TP63: variants seen among roughly 807,000 people sequenced by gnomAD.
TP63 encodes tumor protein p63.
In TP63, 17 loss-of-function variants were observed where a neutral mutation model predicts 82.8. That is an observed-to-expected ratio of 0.21 (90% confidence interval 0.14 to 0.31). The LOEUF (loss-of-function observed/expected upper bound fraction) is 0.31. Ranked by LOEUF, TP63 falls within the 10% of genes least tolerant of loss-of-function variation. TP63 has a pLI of 1.00. For missense variants in TP63, 648 were observed against 895.3 expected, an observed-to-expected ratio of 0.72 and a Z score of 3.52; for synonymous variants, 330 against 321.7, an observed-to-expected ratio of 1.03 and a Z score of -0.28.
chr3:189,863,032 A>T (rs933720712), intron 4 of TP63, among the ~76,000 whole-genome samples: 5 of 152,206 alleles, frequency 3.3e-5, no homozygotes, highest in Admixed American at 6.5e-5. Context: ...AACATTTTAA[A>T]TGTGTGATTT....
intron 1 of TP63, among the ~76,000 whole-genome samples, chr3:189,717,095 G>A (rs866827567): frequency 2.0e-4 from 30 of 152,226 alleles, no homozygotes; most frequent in African/African-American, 7.0e-4. Context: ...ACTGCACCCA[G>A]CCTCTTAGTA....
At chr3:189,867,630 T>C (rs997969235) in intron 6 of TP63, among the ~76,000 whole-genome samples, 7 of 152,216 alleles carry the variant, frequency 4.6e-5, no homozygotes, top group African/African-American at 1.4e-4. Context: ...CCTAAGGTAG[T>C]GTTCAGTGTT....
At chr3:189,657,794 A>G (rs2108647628) in intron 1 of TP63, among the ~76,000 whole-genome samples, 1 of 152,220 alleles carries the variant, frequency 6.6e-6, no homozygotes, top group South Asian at 2.1e-4. Flanking sequence ...ATCAATATGC[A>G]TATGTTCAAG....
intron 3 of TP63, among the ~76,000 whole-genome samples, chr3:189,799,942 G>A (rs1304729844): frequency 6.6e-6 from 1 of 152,044 alleles, no homozygotes; most frequent in East Asian, 1.9e-4. Context: ...ATTATCCCAG[G>A]TATTGGGGAT....
At chr3:189,709,456 C>G (rs1384223537) in intron 1 of TP63, among the ~76,000 whole-genome samples, 1 of 152,030 alleles carries the variant, frequency 6.6e-6, no homozygotes, top group African/African-American at 2.4e-5. Flanking sequence ...AGCCCACAGT[C>G]TGAAACCGAA....
chr3:189,804,486 A>T (rs1251188970), intron 3 of TP63, among the ~76,000 whole-genome samples: 1 of 152,212 alleles, frequency 6.6e-6, no homozygotes, highest in Non-Finnish European at 1.5e-5. Flanking sequence ...ACTGAGCACT[A>T]CAAATTGTAC....
the TP63 span, among the ~76,000 whole-genome samples, chr3:189,622,408 C>G: frequency 7.2e-5 from 11 of 152,334 alleles, 1 homozygote; most frequent in Admixed American, 3.9e-4. Flanking sequence ...GATCCTGGCT[C>G]TACCACTATC....
chr3:189,868,933 C>T lies in TP63; in HGVS notation c.1129+217C>T, dbSNP rs554582019. On this transcript the variant is annotated intron_variant, in intron 8 of 13. Transcript: ENST00000264731. The stretch of plus-strand genomic sequence containing the variant: ...ACAAGTAGTCATTGTGACAATTTCT[C>T]AGTCCAGGGATTCTCAAAATGTGAC... 3.3e-5 allele frequency among the ~76,000 whole-genome samples: 5 copies of T among 152,294 alleles called. No homozygotes were observed. The South Asian group carries it at 1.0e-3, about 32-fold the overall frequency.
intron 1 of TP63, among the ~76,000 whole-genome samples, chr3:189,714,296 C>A (rs1013594010): frequency 4.6e-5 from 7 of 152,174 alleles, no homozygotes; most frequent in African/African-American, 1.2e-4. Flanking sequence ...GATCATGTTC[C>A]CGGTGTTCTG....
chr3:189,619,406 CT>C, the TP63 span, among the ~76,000 whole-genome samples: 1 of 152,164 alleles, frequency 6.6e-6, no homozygotes, highest in African/African-American at 2.4e-5. Context: ...CTTAATGCCC[CT>C]ATCTATATTT....
intron 1 of TP63, among the ~76,000 whole-genome samples, chr3:189,647,674 T>C (rs1394855188): frequency 6.8e-6 from 1 of 146,756 alleles, no homozygotes; most frequent in Non-Finnish European, 1.5e-5. Context: ...TGTCTGGTCA[T>C]TGTGTATGCA....
At chr3:189,734,275 G>T (rs540637831) in intron 1 of TP63, among the ~76,000 whole-genome samples, 5 of 149,090 alleles carry the variant, frequency 3.4e-5, no homozygotes, top group African/African-American at 4.9e-5. Flanking sequence ...GGGTTCAAGC[G>T]ATTCTCCTGC....
chr3:189,783,944 T>G (rs1356759636), intron 3 of TP63, among the ~76,000 whole-genome samples: 2 of 151,798 alleles, frequency 1.3e-5, no homozygotes, highest in Non-Finnish European at 2.9e-5. Flanking sequence ...TAGGAGTACT[T>G]AACAGGGGAA....
At chr3:189,687,962 C>A (rs1402132513) in intron 1 of TP63, among the ~76,000 whole-genome samples, 1 of 151,206 alleles carries the variant, frequency 6.6e-6, no homozygotes, top group Non-Finnish European at 1.5e-5. Context: ...ATTTCCCTTT[C>A]ATTTCAAAGA....
intron 1 of TP63, among the ~76,000 whole-genome samples, chr3:189,662,189 A>G (rs931810078): frequency 3.3e-5 from 5 of 151,924 alleles, no homozygotes; most frequent in African/African-American, 1.2e-4. Context: ...TAACTTTTCG[A>G]GGTAAGTGTT....
chr3:189,665,087 A>G (rs926953976), intron 1 of TP63, among the ~76,000 whole-genome samples: 1 of 152,162 alleles, frequency 6.6e-6, no homozygotes, highest in African/African-American at 2.4e-5. Flanking sequence ...ACATCTTACT[A>G]TTACCTGTGT....
chr3:189,622,867 T>A, the TP63 span, among the ~76,000 whole-genome samples: 7,771 of 152,282 alleles, frequency 0.051, 210 homozygotes, highest in Middle Eastern at 0.068. Context: ...ACAGTTGAGA[T>A]GTTGCAATGA....
At position 189,767,453 on chromosome 3, in the gene TP63, T is replaced by C. The variant is rs534789829; in HGVS notation, c.324+28679T>C. Reference sequence around the variant, plus strand: ...TGCAGCGGAATCAGGATGCTTTTCATAGTGTTATAAAAATTCAATTTCGCT... The same window carrying C: ...TGCAGCGGAATCAGGATGCTTTTCACAGTGTTATAAAAATTCAATTTCGCT... On this transcript the variant is annotated intron_variant, in intron 3 of 13. Transcript: ENST00000264731. Among the ~76,000 whole-genome samples the C allele has an allele frequency of 1.2e-4, 18 of 152,338 alleles. No individual in the cohort carries two copies. In the South Asian group the frequency reaches 1.7e-3, roughly 14 times the overall value.
chr3:189,786,182 A>G (rs1457754665), intron 3 of TP63, among the ~76,000 whole-genome samples: 1 of 152,002 alleles, frequency 6.6e-6, no homozygotes, highest in Non-Finnish European at 1.5e-5. Flanking sequence ...TCGATTGATG[A>G]GAGTGGATTT....
Sources: allele counts gnomAD v4.1 joint callset (sites outside exome capture counted in the v4.1 genomes callset), GRCh38; gene constraint gnomAD v4.1.1; transcripts MANE v1.5; gene names NCBI Gene and HGNC (gene_info 2026-07-23, HGNC 2026-07-21).